STARD6: variants seen among roughly 807,000 people sequenced by gnomAD.
STARD6 encodes stAR-related lipid transfer protein 6.
Under a neutral mutation model 22.3 loss-of-function variants are expected in STARD6, and 21 were observed. The ratio of observed to expected loss-of-function variants is 0.94; its 90% CI spans 0.67 to 1.35. The LOEUF (loss-of-function observed/expected upper bound fraction) is 1.35. Ranked by LOEUF, STARD6 falls within the 40% of genes most tolerant of loss-of-function variation. STARD6 has a pLI of 0.00. For missense variants in STARD6, 269 were observed against 266.9 expected (o/e 1.01, Z -0.05); for synonymous variants, 80 against 88.1 (o/e 0.91, Z 0.52).
chr18:54,331,665 G>T (rs1344991079), intron 6 of STARD6, 77 bp downstream of exon 6: 3 of 932,346 alleles, frequency 3.2e-6, no homozygotes, highest in Non-Finnish European at 4.9e-6. Flanking sequence ...TAATTTCTTT[G>T]AAGCTGTGAA....
intron 5 of STARD6, 59 bp from the exon 6 acceptor site, chr18:54,331,918 G>A (rs2088869400): frequency 2.4e-6 from 3 of 1,234,478 alleles, no homozygotes; most frequent in South Asian, 2.9e-5. Context: ...TCTTTGTATT[G>A]TTTCCCCCCC....
At chr18:54,336,517 G>T (rs978136125) in intron 5 of STARD6, among the ~76,000 whole-genome samples, 1 of 152,144 alleles carries the variant, frequency 6.6e-6, no homozygotes, top group Non-Finnish European at 1.5e-5. Flanking sequence ...AAATTACCCA[G>T]TCTTGGGTAT....
intron 4 of STARD6, among the ~76,000 whole-genome samples, chr18:54,352,372 T>G (rs1387342551): frequency 3.3e-5 from 5 of 152,178 alleles, no homozygotes; most frequent in Admixed American, 3.3e-4. Context: ...GTCTGCCATT[T>G]TTTTCTTTTC....
intron 4 of STARD6, among the ~76,000 whole-genome samples, chr18:54,342,350 A>G (rs1447210259): frequency 6.6e-6 from 1 of 152,210 alleles, no homozygotes; most frequent in African/African-American, 2.4e-5. Flanking sequence ...AGAAAATAAA[A>G]GAGGAGGAAA....
chr18:54,353,855 C>A (rs2089119674), intron 4 of STARD6, 199 bp downstream of exon 4: 1 of 368,944 alleles, frequency 2.7e-6, no homozygotes, highest in Non-Finnish European at 4.8e-6. Flanking sequence ...ATCTGATTGT[C>A]ATCAGATTTG....
chr18:54,354,824 T>C (rs1251038696), intron 2 of STARD6, among the ~76,000 whole-genome samples: 1 of 152,224 alleles, frequency 6.6e-6, no homozygotes, highest in Non-Finnish European at 1.5e-5. Context: ...CTGCCACCTA[T>C]TGTGTGAAGC....
At chr18:54,328,671 T>C (rs1178396657) in intron 7 of STARD6, among the ~76,000 whole-genome samples, 1 of 152,124 alleles carries the variant, frequency 6.6e-6, no homozygotes, top group Non-Finnish European at 1.5e-5. Flanking sequence ...CATTTATATC[T>C]GACCAATACA....
chr18:54,326,074 G>A (rs985570569), intron 7 of STARD6, among the ~76,000 whole-genome samples: 1 of 152,142 alleles, frequency 6.6e-6, no homozygotes, highest in Admixed American at 6.6e-5. Flanking sequence ...ATATGTCTCT[G>A]TTGGAGATGT....
chr18:54,353,561 G>A (rs1240935823), intron 4 of STARD6, among the ~76,000 whole-genome samples: 3 of 152,168 alleles, frequency 2.0e-5, no homozygotes, highest in African/African-American at 4.8e-5. Flanking sequence ...TCAGGAGGCC[G>A]AGGCGGAAGG....
intron 7 of STARD6, among the ~76,000 whole-genome samples, chr18:54,327,510 A>G (rs1160225195): frequency 3.3e-5 from 5 of 152,198 alleles, no homozygotes; most frequent in Non-Finnish European, 5.9e-5. Context: ...AGTTGTATTT[A>G]TTTTGAAATG....
intron 5 of STARD6, 28 bp from the exon 6 acceptor site, chr18:54,331,887 C>A (rs780370356): frequency 6.9e-7 from 1 of 1,442,780 alleles, no homozygotes. Flanking sequence ...GTAAAGATAA[C>A]AAACGTTACT....
chr18:54,355,208 T>A (rs1357988460), intron 2 of STARD6, among the ~76,000 whole-genome samples: 1 of 152,156 alleles, frequency 6.6e-6, no homozygotes, highest in East Asian at 1.9e-4. Context: ...AATTTCTGAC[T>A]TCAGGTTCTT....
chr18:54,334,033 C>T (rs2088888311), intron 5 of STARD6, among the ~76,000 whole-genome samples: 1 of 152,126 alleles, frequency 6.6e-6, no homozygotes, highest in Non-Finnish European at 1.5e-5. Context: ...GTATAATATA[C>T]ATACCATGAA....
intron 6 of STARD6, among the ~76,000 whole-genome samples, chr18:54,330,420 A>G (rs567030368): frequency 1.3e-5 from 2 of 152,178 alleles, no homozygotes; most frequent in South Asian, 4.1e-4. Flanking sequence ...TATGAAGCAT[A>G]TGGTGTGGTA....
At chr18:54,349,672 G>T (rs1400170687) in intron 4 of STARD6, among the ~76,000 whole-genome samples, 1 of 152,040 alleles carries the variant, frequency 6.6e-6, no homozygotes, top group Non-Finnish European at 1.5e-5. Context: ...CCTTTCCCTG[G>T]AGTCCACAAA....
chr18:54,356,669 C>T (rs1471059482), intron 1 of STARD6, among the ~76,000 whole-genome samples: 1 of 152,084 alleles, frequency 6.6e-6, no homozygotes, highest in South Asian at 2.1e-4. Flanking sequence ...TAAAGGAACT[C>T]AGTTTAAAAA....
At chr18:54,331,928 C>A in intron 5 of STARD6, 69 bp from the exon 6 acceptor site, 1 of 1,135,020 alleles carries the variant, frequency 8.8e-7, no homozygotes, top group Non-Finnish European at 1.3e-6. Context: ...GTTTCCCCCC[C>A]AAATTTTATT....
Position 54,331,703 on chromosome 18 carries a change from G to A in STARD6, c.385+39C>T, listed in dbSNP as rs148450303. The A allele has an allele frequency of 1.8e-5, 23 of 1,299,412 alleles. 1 individual carries two copies. Among genetic ancestry groups the A allele is most frequent in the African/African-American group, 7.3e-5 (5 of 68,164 alleles). The allele number at this position is 1,299,412 out of a possible 1,614,324, so 80.5% of individuals were successfully genotyped here. A position where few individuals can be genotyped will look rare whatever the true frequency, so the allele number is the denominator to read the frequency against. ...AAGGGAAAACATTTATTAATGGCTCGCAGTAATTCCAAGATATGGGCAAAA... is the reference window on the plus strand; with the variant it reads ...AAGGGAAAACATTTATTAATGGCTCACAGTAATTCCAAGATATGGGCAAAA... On this transcript the variant is annotated intron_variant, in intron 6 of 7. Coordinates refer to ENST00000307844, the MANE Select transcript of STARD6 (RefSeq NM_139171.2).
intron 1 of STARD6, among the ~76,000 whole-genome samples, 191 bp downstream of exon 1, chr18:54,357,601 G>A (rs1318614029): frequency 2.0e-5 from 3 of 152,152 alleles, no homozygotes; most frequent in Admixed American, 6.5e-5. Flanking sequence ...AGCCGCCAGC[G>A]CCCTTAAGTC....
Sources: allele counts gnomAD v4.1 joint callset (sites outside exome capture counted in the v4.1 genomes callset), GRCh38; gene constraint gnomAD v4.1.1; transcripts MANE v1.5; gene names NCBI Gene and HGNC (gene_info 2026-07-23, HGNC 2026-07-21).